Variants in GRM3 observed in about 807,000 individuals in gnomAD.
GRM3 encodes the protein glutamate metabotropic receptor 3.
GRM3 carries 26 observed loss-of-function variants against 70.5 expected under a neutral mutation model. That is an observed-to-expected ratio of 0.37 (90% CI 0.27 to 0.51). The LOEUF is 0.51. GRM3 is among the 20% of genes least tolerant of loss of function. GRM3 has a pLI of 0.93. For synonymous variants in GRM3, 443 were observed against 434.9 expected, an observed-to-expected ratio of 1.02 and a Z score of -0.23; for missense variants, 859 against 1,123.8, an observed-to-expected ratio of 0.76 and a Z score of 3.37.
intron 5 of GRM3, among the ~76,000 whole-genome samples, chr7:86,861,752 TG>T (rs1253757220): frequency 6.6e-6 from 1 of 152,146 alleles, no homozygotes; most frequent in Non-Finnish European, 1.5e-5. Flanking sequence ...CAAATTACGA[TG>T]GGATTTATAA....
intron 1 of GRM3, among the ~76,000 whole-genome samples, chr7:86,678,267 A>G (rs986884573): frequency 4.6e-5 from 7 of 152,064 alleles, no homozygotes; most frequent in Non-Finnish European, 1.0e-4. Flanking sequence ...AAAGTCACCT[A>G]CAAAAGATAG....
chr7:86,654,694 C>T (rs1562814257), intron 1 of GRM3, among the ~76,000 whole-genome samples: 1 of 152,292 alleles, frequency 6.6e-6, no homozygotes, highest in East Asian at 1.9e-4. Context: ...TATTCTCCTA[C>T]CACTGACAAA....
intron 1 of GRM3, among the ~76,000 whole-genome samples, chr7:86,743,069 G>T (rs1796024355): frequency 6.6e-6 from 1 of 152,036 alleles, no homozygotes; most frequent in South Asian, 2.1e-4. Context: ...TAAAACCCAA[G>T]TCTATCTGAT....
At chr7:86,768,033 A>G (rs953000571) in intron 2 of GRM3, among the ~76,000 whole-genome samples, 1 of 152,110 alleles carries the variant, frequency 6.6e-6, no homozygotes, top group Non-Finnish European at 1.5e-5. Flanking sequence ...TCTTCACAGC[A>G]TAAATAAAAG....
chr7:86,709,866 A>C (rs571519641), intron 1 of GRM3, among the ~76,000 whole-genome samples: 6 of 152,188 alleles, frequency 3.9e-5, no homozygotes, highest in Non-Finnish European at 8.8e-5. Flanking sequence ...CAAGAGTGGA[A>C]GAGAGACATG....
At chr7:86,792,822 T>C (rs916236420) in intron 3 of GRM3, among the ~76,000 whole-genome samples, 1 of 152,168 alleles carries the variant, frequency 6.6e-6, no homozygotes, top group Admixed American at 6.5e-5. Context: ...GAAATTACTA[T>C]GTATCTTACA....
chr7:86,705,726 A>G (rs755636059), intron 1 of GRM3, among the ~76,000 whole-genome samples: 5 of 152,090 alleles, frequency 3.3e-5, no homozygotes, highest in Non-Finnish European at 7.4e-5. Flanking sequence ...GAAACAGTTT[A>G]GCCAAGTTCT....
At chr7:86,674,729 C>T (rs1407687298) in intron 1 of GRM3, among the ~76,000 whole-genome samples, 1 of 152,156 alleles carries the variant, frequency 6.6e-6, no homozygotes, top group East Asian at 1.9e-4. Context: ...AACTTTAAGT[C>T]CCCATTACTC....
intron 1 of GRM3, among the ~76,000 whole-genome samples, chr7:86,710,515 G>A (rs987234808): frequency 7.6e-6 from 1 of 130,930 alleles, no homozygotes; most frequent in African/African-American, 2.9e-5. Context: ...TACTTGATGT[G>A]CTTTTCTGAA....
intron 1 of GRM3, among the ~76,000 whole-genome samples, chr7:86,681,493 G>C (rs976144855): frequency 3.3e-5 from 5 of 152,100 alleles, no homozygotes; most frequent in African/African-American, 1.2e-4. Context: ...AATAAGGAAT[G>C]AATATGCTCT....
chr7:86,792,871 C>T (rs945245258), intron 3 of GRM3, among the ~76,000 whole-genome samples: 2 of 152,072 alleles, frequency 1.3e-5, no homozygotes, highest in African/African-American at 4.8e-5. Context: ...AATCTTACTC[C>T]CAGGGCTTCA....
At chr7:86,844,086 T>C (rs1197931730) in intron 4 of GRM3, among the ~76,000 whole-genome samples, 2 of 152,116 alleles carry the variant, frequency 1.3e-5, no homozygotes, top group Non-Finnish European at 2.9e-5. Context: ...ATGAAACAAT[T>C]TACCTAGAGT....
intron 1 of GRM3, among the ~76,000 whole-genome samples, chr7:86,758,540 T>A (rs1184837721): frequency 6.6e-6 from 1 of 152,136 alleles, no homozygotes; most frequent in Non-Finnish European, 1.5e-5. Flanking sequence ...ACACATACCA[T>A]GAAAATACTG....
intron 5 of GRM3, among the ~76,000 whole-genome samples, chr7:86,860,033 C>A (rs928065978): frequency 6.6e-6 from 1 of 152,198 alleles, no homozygotes; most frequent in Non-Finnish European, 1.5e-5. Flanking sequence ...GGCAAAAGCA[C>A]ACCTTATCCT....
intron 1 of GRM3, among the ~76,000 whole-genome samples, chr7:86,700,322 C>G (rs1467869131): frequency 6.6e-6 from 1 of 151,920 alleles, no homozygotes; most frequent in Non-Finnish European, 1.5e-5. Context: ...TAAGGGAATT[C>G]ATTAAAAGGC....
At chr7:86,863,930 CAT>C (rs1264061667) in intron 5 of GRM3, among the ~76,000 whole-genome samples, 1 of 152,154 alleles carries the variant, frequency 6.6e-6, no homozygotes, top group East Asian at 1.9e-4. Context: ...TGGAGCAGAA[CAT>C]ATTTAGAAAT....
intron 1 of GRM3, among the ~76,000 whole-genome samples, chr7:86,715,686 T>C (rs1450755208): frequency 3.3e-5 from 5 of 151,990 alleles, no homozygotes; most frequent in African/African-American, 4.8e-5. Context: ...TACAAACACA[T>C]GGGTAACCTT....
At chr7:86,825,103 C>G (rs1798204739) in intron 3 of GRM3, among the ~76,000 whole-genome samples, 1 of 152,150 alleles carries the variant, frequency 6.6e-6, no homozygotes, top group Non-Finnish European at 1.5e-5. Flanking sequence ...CATCCTCACC[C>G]TCCTCCTGCC....
At chr7:86,737,876 A>G (rs1795901065) in intron 1 of GRM3, among the ~76,000 whole-genome samples, 1 of 152,250 alleles carries the variant, frequency 6.6e-6, no homozygotes, top group South Asian at 2.1e-4. Flanking sequence ...AAGCTGGCAG[A>G]CAAGAAGGAT....
Sources: allele counts gnomAD v4.1 joint callset (sites outside exome capture counted in the v4.1 genomes callset), GRCh38; gene constraint gnomAD v4.1.1; transcripts MANE v1.5; gene names NCBI Gene and HGNC (gene_info 2026-07-23, HGNC 2026-07-21).